The following TRPC4 variants were observed in gnomAD, a reference collection of about 807,000 sequenced individuals.
The protein encoded by TRPC4 is short transient receptor potential channel 4.
In TRPC4, 49 loss-of-function variants were observed where a neutral mutation model predicts 99.4. The ratio of observed to expected loss-of-function variants is 0.49; its 90% CI spans 0.39 to 0.63. The LOEUF (loss-of-function observed/expected upper bound fraction) is 0.63, where lower values mean the gene tolerates loss of function less well. Among genes scored for constraint, TRPC4 ranks in the 20% least tolerant of loss-of-function variants. The pLI is 0.00. For synonymous variants in TRPC4, 454 were observed against 425.9 expected (o/e 1.07, Z -0.81); for missense variants, 898 against 1,152.9 (o/e 0.78, Z 3.20).
chr13:37,847,662 A>G (rs536546571), intron 1 of TRPC4, among the ~76,000 whole-genome samples: 5 of 152,192 alleles, frequency 3.3e-5, no homozygotes, highest in Admixed American at 1.3e-4. Flanking sequence ...GATTAATGAA[A>G]ATAAAATAAA....
intron 1 of TRPC4, among the ~76,000 whole-genome samples, chr13:37,806,871 T>C: frequency 6.6e-6 from 1 of 152,032 alleles, no homozygotes; most frequent in Non-Finnish European, 1.5e-5. Flanking sequence ...TGCTCCACAG[T>C]GGGCGCTGTC....
At chr13:37,835,198 G>A (rs1958533503) in intron 1 of TRPC4, among the ~76,000 whole-genome samples, 1 of 152,152 alleles carries the variant, frequency 6.6e-6, no homozygotes, top group Non-Finnish European at 1.5e-5. Flanking sequence ...ACTTGCTTCA[G>A]TCGGCTGACT....
intron 2 of TRPC4, among the ~76,000 whole-genome samples, chr13:37,761,426 G>A (rs1027611760): frequency 6.6e-6 from 1 of 151,850 alleles, no homozygotes; most frequent in South Asian, 2.1e-4. Flanking sequence ...TTGCGACATC[G>A]TGGGAACAGC....
At position 37,737,522 on chromosome 13, in the gene TRPC4, G is replaced by A. The variant is rs192921040; in HGVS notation, c.897+8415C>T. ...GGGTCTCATTCTGTTCCGCAGGCTG[G>A]AATGCACTGGTACAATCTTGGCTCA... On this transcript the variant is annotated intron_variant, in intron 3 of 10. Transcript: ENST00000379705. Among the ~76,000 whole-genome samples, 523 of 152,108 alleles carry A rather than the reference G, an allele frequency of 3.4e-3. 2 individuals are homozygous for A. Among genetic ancestry groups the A allele is most frequent in the African/African-American group, 0.012 (502 of 41,502 alleles).
intron 1 of TRPC4, among the ~76,000 whole-genome samples, chr13:37,795,775 T>C (rs1052293106): frequency 2.6e-5 from 4 of 152,186 alleles, no homozygotes; most frequent in African/African-American, 9.7e-5. Flanking sequence ...TTTAATCCTC[T>C]TCTAATTTAC....
chr13:37,692,389 C>T (rs1566100891), intron 3 of TRPC4, 54 bp from the exon 4 acceptor site: 7 of 1,426,536 alleles, frequency 4.9e-6, no homozygotes, highest in Middle Eastern at 2.3e-4. Context: ...ATGGAGTGGC[C>T]TCAATTCATC....
At chr13:37,742,529 G>C (rs1210761164) in intron 3 of TRPC4, among the ~76,000 whole-genome samples, 1 of 152,110 alleles carries the variant, frequency 6.6e-6, no homozygotes, top group Non-Finnish European at 1.5e-5. Flanking sequence ...GCAATATAGG[G>C]TGTGTATAAT....
At chr13:37,849,078 C>T (rs1483749944) in intron 1 of TRPC4, among the ~76,000 whole-genome samples, 1 of 152,126 alleles carries the variant, frequency 6.6e-6, no homozygotes, top group Non-Finnish European at 1.5e-5. Flanking sequence ...GACCTAGATT[C>T]CCACAGTCAG....
At chr13:37,680,872 T>A (rs1593498674) in intron 4 of TRPC4, among the ~76,000 whole-genome samples, 1 of 152,222 alleles carries the variant, frequency 6.6e-6, no homozygotes. Flanking sequence ...CAGATTTGTA[T>A]GTATCATGAA....
intron 2 of TRPC4, 59 bp downstream of exon 2, chr13:37,782,889 AAAGAAAAG>A: frequency 3.3e-6 from 4 of 1,229,398 alleles, no homozygotes; most frequent in Admixed American, 4.2e-5. Flanking sequence ...AAAAAAAAAG[AAAGAAAAG>A]AAAAAACAAA....
At chr13:37,752,999 C>CAA (rs1410972520) in intron 2 of TRPC4, among the ~76,000 whole-genome samples, 3 of 151,948 alleles carry the variant, frequency 2.0e-5, no homozygotes, top group Non-Finnish European at 2.9e-5. Flanking sequence ...CACGCACACA[C>CAA]ACACACACAC....
intron 3 of TRPC4, among the ~76,000 whole-genome samples, chr13:37,700,421 G>A (rs747124252): frequency 7.9e-5 from 12 of 152,026 alleles, no homozygotes; most frequent in Non-Finnish European, 1.6e-4. Context: ...GTTCAGAATG[G>A]GTGTTTCACT....
intron 1 of TRPC4, among the ~76,000 whole-genome samples, chr13:37,845,127 C>A (rs181995922): frequency 5.8e-4 from 89 of 152,264 alleles, no homozygotes; most frequent in Middle Eastern, 3.4e-3. Flanking sequence ...GAGAACCCAA[C>A]CTTAAGGTCT....
At chr13:37,739,302 A>G (rs1355743907) in intron 3 of TRPC4, among the ~76,000 whole-genome samples, 1 of 152,118 alleles carries the variant, frequency 6.6e-6, no homozygotes, top group Non-Finnish European at 1.5e-5. Flanking sequence ...ATTGAATCTC[A>G]TTCAGATAAC....
intron 1 of TRPC4, among the ~76,000 whole-genome samples, chr13:37,786,702 A>C (rs1426040675): frequency 6.6e-6 from 1 of 152,064 alleles, no homozygotes. Flanking sequence ...TAAACTTTGG[A>C]GGGGAAATGA....
Position 37,866,725 on chromosome 13 carries a change from T to C in TRPC4, c.-28+2870A>G, listed in dbSNP as rs190934714. Among the ~76,000 whole-genome samples the C allele has an allele frequency of 8.6e-5, 13 of 151,294 alleles. No individual in the cohort carries two copies. The East Asian group carries it at 2.5e-3, about 29-fold the overall frequency. On this transcript the variant is annotated intron_variant, in intron 1 of 10. Coordinates refer to ENST00000379705, the MANE Select transcript of TRPC4 (RefSeq NM_016179.4). Reference sequence around the variant, plus strand: ...TGCGGGGTCAATGCCTCTGGAAGGGTGAGAAATAGAAAACATGAGTAGTGA... The same window carrying C: ...TGCGGGGTCAATGCCTCTGGAAGGGCGAGAAATAGAAAACATGAGTAGTGA...
intron 1 of TRPC4, among the ~76,000 whole-genome samples, chr13:37,822,275 T>TTA (rs1385849245): frequency 7.4e-5 from 10 of 134,628 alleles, no homozygotes; most frequent in Admixed American, 4.0e-4. Flanking sequence ...ATCAGAATGG[T>TTA]TTTTTTTTTA....
chr13:37,633,397 C>T lies in TRPC4; in HGVS notation c.*3506G>A, dbSNP rs1227380543. ...ATAGAAGACAGCTAAAAATACAATG[C>T]ATGAGGACTAAGAATGGACAGATTT... is the stretch of plus-strand genomic sequence containing the variant. On this transcript the variant is annotated 3_prime_UTR_variant, in exon 11 of 11. Coordinates refer to ENST00000379705, the MANE Select transcript of TRPC4 (RefSeq NM_016179.4). Among the ~76,000 whole-genome samples, 1 of 152,126 alleles carries T rather than the reference C, an allele frequency of 6.6e-6. No homozygotes were observed. The highest frequency in any genetic ancestry group is 6.6e-5 in the Admixed American group (1 of 15,238).
chr13:37,730,691 A>G (rs1401693370), intron 3 of TRPC4, among the ~76,000 whole-genome samples: 2 of 152,050 alleles, frequency 1.3e-5, no homozygotes, highest in African/African-American at 4.8e-5. Context: ...GGTCTCCAAG[A>G]TATTAAAATA....
Sources: gnomAD v4.1 joint callset for allele counts (sites outside exome capture counted in the v4.1 genomes callset) on GRCh38, gnomAD v4.1.1 for gene constraint, MANE v1.5 for transcripts, NCBI Gene and HGNC (gene_info 2026-07-23, HGNC 2026-07-21) for gene names.